DAB2: variants seen among roughly 807,000 people sequenced by gnomAD.
DAB2 encodes DAB adaptor protein 2.
DAB2 carries 28 observed loss-of-function variants against 71.6 expected under a neutral mutation model. The ratio of observed to expected loss-of-function variants is 0.39; its 90% CI spans 0.29 to 0.54. The LOEUF (loss-of-function observed/expected upper bound fraction) is 0.54. Among genes scored for constraint, DAB2 ranks in the 20% least tolerant of loss-of-function variants. DAB2 has a pLI of 0.68. For synonymous variants in DAB2, 345 were observed against 339.7 expected (o/e 1.02, Z -0.17); for missense variants, 867 against 928.8 (o/e 0.93, Z 0.86).
At chr5:39,388,030 C>A in intron 9 of DAB2, 2 of 318,324 alleles carry the variant, frequency 6.3e-6, no homozygotes, top group Non-Finnish European at 1.1e-5. Context: ...TATTCACCTC[C>A]TCCTTCTAAT....
chr5:39,401,762 T>TTTATTTATTTACTTAC lies in DAB2; in HGVS notation c.-101-7342_-101-7341insGTAAGTAAATAAATAA, dbSNP rs879679271. Among the ~76,000 whole-genome samples the TTTATTTATTTACTTAC allele has an allele frequency of 1.1e-3, 164 of 151,262 alleles. 6 individuals are homozygous for TTTATTTATTTACTTAC. The South Asian group carries it at 0.032, about 29-fold the overall frequency. On this transcript the variant is annotated intron_variant, in intron 1 of 14. Coordinates refer to ENST00000320816, the MANE Select transcript of DAB2 (RefSeq NM_001343.4). The stretch of plus-strand genomic sequence containing the variant: ...ATTTATTTATTTATTTATTTATTTA[T>TTTATTTATTTACTTAC]TTATTTTTGAGACGGAGTCTTGCTC...
At chr5:39,388,053 C>A in intron 9 of DAB2, 1 of 386,222 alleles carries the variant, frequency 2.6e-6, no homozygotes, top group South Asian at 4.0e-5. Flanking sequence ...TAAGTGATAC[C>A]AAGAAGGACT....
chr5:39,382,774 C>T lies in DAB2; in HGVS notation c.1185G>A (p.Pro395=), dbSNP rs781429014. The change falls in exon 10 of 15, where the codon CCG becomes CCA. Residue 395 remains proline, a synonymous_variant. Coordinates refer to ENST00000320816, the MANE Select transcript of DAB2 (RefSeq NM_001343.4). ...TGGGAGGGCTTCCCACAAAAGGGTT[C>T]GGGGAGGATTTGACAGAGAAGCCGT... is the stretch of plus-strand genomic sequence containing the variant. ...EQNGFSVKSS[P]NPFVGSPPKG... is the part of the protein sequence containing the mutation. The T allele has an allele frequency of 8.7e-6, 14 of 1,614,068 alleles. No homozygotes were observed. The highest frequency in any genetic ancestry group is 2.2e-5 in the South Asian group (2 of 91,070).
chr5:39,372,752 T>C lies in DAB2; in HGVS notation c.*679A>G, dbSNP rs1400309106. 2.0e-5 allele frequency: 3 copies of C among 151,752 alleles called. No homozygotes were observed. Among genetic ancestry groups the C allele is most frequent in the Non-Finnish European group, 4.4e-5 (3 of 67,986 alleles). 9.4% of individuals were successfully genotyped at this position (151,752 alleles called of 1,614,324 possible). On this transcript the variant is annotated 3_prime_UTR_variant, in exon 15 of 15. Coordinates refer to ENST00000320816, the MANE Select transcript of DAB2 (RefSeq NM_001343.4). ...AAAAAAGGGGAGGAGAGATGAATAA[T>C]GTTCTTCCCTCATTTGCAATAGCTA...
At position 39,399,928 on chromosome 5, in the gene DAB2, G is replaced by A. The variant is rs76024092; in HGVS notation, c.-101-5507C>T. On this transcript the variant is annotated intron_variant, in intron 1 of 14. Transcript: ENST00000320816. The stretch of plus-strand genomic sequence containing the variant: ...TACCAGTAGGAATGTGTTGGCATCA[G>A]CAATGGTACTACTTAATGATTCCAA... Among the ~76,000 whole-genome samples, 1,424 of 152,244 alleles carry A rather than the reference G, an allele frequency of 9.4e-3. 13 individuals carry two copies. Among genetic ancestry groups the A allele is most frequent in the African/African-American group, 0.033 (1,363 of 41,540 alleles).
At chr5:39,395,924 A>G (rs1755354866) in intron 1 of DAB2, among the ~76,000 whole-genome samples, 1 of 142,278 alleles carries the variant, frequency 7.0e-6, no homozygotes, top group African/African-American at 2.7e-5. Flanking sequence ...GGGAAGGCTA[A>G]GACACAGATA....
At chr5:39,407,058 G>T (rs780759762) in intron 1 of DAB2, among the ~76,000 whole-genome samples, 2 of 152,114 alleles carry the variant, frequency 1.3e-5, no homozygotes, top group East Asian at 3.9e-4. Context: ...CAGAGGCAAC[G>T]CACTCACACC....
At chr5:39,406,354 A>G (rs1286013465) in intron 1 of DAB2, among the ~76,000 whole-genome samples, 1 of 152,196 alleles carries the variant, frequency 6.6e-6, no homozygotes, top group Non-Finnish European at 1.5e-5. Context: ...GCGGAACTCT[A>G]CTGAGCACTT....
chr5:39,394,838 TTCGGA>T (rs1179498549), intron 1 of DAB2, among the ~76,000 whole-genome samples: 3 of 152,204 alleles, frequency 2.0e-5, no homozygotes, highest in Non-Finnish European at 4.4e-5. Context: ...ATTTCAGTTC[TTCGGA>T]AAATTGCTTA....
intron 4 of DAB2, 112 bp downstream of exon 4, chr5:39,392,253 T>C (rs993856601): frequency 3.9e-6 from 3 of 764,920 alleles, no homozygotes; most frequent in African/African-American, 3.4e-5. Context: ...ATATATGATA[T>C]ATTTGTTCCC....
chr5:39,390,789 T>G (rs1351387967), intron 4 of DAB2, among the ~76,000 whole-genome samples: 1 of 152,132 alleles, frequency 6.6e-6, no homozygotes, highest in Admixed American at 6.5e-5. Flanking sequence ...GGGAAGAATG[T>G]TCCTTCTTAA....
Position 39,397,637 on chromosome 5 carries a change from A to C in DAB2, c.-101-3216T>G, listed in dbSNP as rs1263959863. 2.0e-5 allele frequency among the ~76,000 whole-genome samples: 3 copies of C among 152,288 alleles called. No homozygotes were observed. In the East Asian group the frequency reaches 5.8e-4, roughly 29 times the overall value. On this transcript the variant is annotated intron_variant, in intron 1 of 14. Transcript: ENST00000320816. ...CTTAACATTAAAATCTTTTAAAATA[A>C]CTGGTGTGGACTGAACTCCAACTGA...
intron 9 of DAB2, among the ~76,000 whole-genome samples, chr5:39,384,699 TAA>T (rs1212133693): frequency 6.6e-6 from 1 of 152,088 alleles, no homozygotes; most frequent in African/African-American, 2.4e-5. Flanking sequence ...TTTATTCCAG[TAA>T]AAGACAGAAT....
At chr5:39,394,648 C>T (rs992914776) in intron 1 of DAB2, among the ~76,000 whole-genome samples, 1 of 152,136 alleles carries the variant, frequency 6.6e-6, no homozygotes, top group African/African-American at 2.4e-5. Flanking sequence ...TCTTTAAGCA[C>T]TTGATATCTG....
intron 4 of DAB2, among the ~76,000 whole-genome samples, chr5:39,391,782 A>T (rs555688360): frequency 6.6e-6 from 1 of 152,068 alleles, no homozygotes; most frequent in Non-Finnish European, 1.5e-5. Flanking sequence ...GAACAACAGG[A>T]ACCAACAAAA....
intron 5 of DAB2, 84 bp from the exon 6 acceptor site, chr5:39,390,016 G>T: frequency 2.9e-6 from 3 of 1,049,966 alleles, no homozygotes; most frequent in South Asian, 1.8e-5. Context: ...AATTCATACT[G>T]GGATTTTTTT....
intron 1 of DAB2, among the ~76,000 whole-genome samples, chr5:39,412,176 T>C (rs1044100335): frequency 1.2e-4 from 19 of 152,252 alleles, no homozygotes; most frequent in Middle Eastern, 6.8e-3. Flanking sequence ...TTCCCTTATA[T>C]TGTGCATGGC....
At chr5:39,379,220 A>C (rs1235362915) in intron 11 of DAB2, among the ~76,000 whole-genome samples, 1 of 152,094 alleles carries the variant, frequency 6.6e-6, no homozygotes, top group African/African-American at 2.4e-5. Context: ...TTGGGAAGCC[A>C]AAGTGGGAGG....
chr5:39,390,567 C>A lies in DAB2; in HGVS notation c.339G>T (p.Glu113Asp). Residue 113 changes from glutamate to aspartate, a missense_variant, in exon 5 of 15, where the codon GAG becomes GAT. Glu to Asp is a conservative substitution (Grantham distance 45). Transcript: ENST00000320816. ...KIIDEKTGVI[E>D]HEHPVNKISF... ...AAATCTTATTTACTGGATGTTCATG[C>A]TCTATTACCTTAAAAAAGAACATAA... is the stretch of plus-strand genomic sequence containing the variant. The A allele has an allele frequency of 6.2e-7, 1 of 1,608,802 alleles. No homozygotes were observed. The highest frequency in any genetic ancestry group is 8.5e-7 in the Non-Finnish European group (1 of 1,177,102).
Sources: gnomAD v4.1 joint callset for allele counts (sites outside exome capture counted in the v4.1 genomes callset) on GRCh38, gnomAD v4.1.1 for gene constraint, MANE v1.5 for transcripts, NCBI Gene and HGNC (gene_info 2026-07-23, HGNC 2026-07-21) for gene names.